The following LRP1B variants were observed in gnomAD, a reference collection of about 807,000 sequenced individuals.
The protein encoded by LRP1B is low-density lipoprotein receptor-related protein 1B.
A neutral mutation model predicts 556.6 loss-of-function variants in LRP1B; 217 were observed. The observed-to-expected ratio is 0.39, with a 90% confidence interval of 0.35 to 0.44. The LOEUF is 0.44. LRP1B is among the 20% of genes least tolerant of loss of function. The pLI is 1.00. For synonymous variants in LRP1B, 2,047 were observed against 1,865.8 expected, an observed-to-expected ratio of 1.10 and a Z score of -2.50; for missense variants, 5,053 against 5,620.8, an observed-to-expected ratio of 0.90 and a Z score of 3.23.
intron 51 of LRP1B, among the ~76,000 whole-genome samples, chr2:140,513,732 C>T (rs1689763193): frequency 6.6e-6 from 1 of 151,878 alleles, no homozygotes; most frequent in Non-Finnish European, 1.5e-5. Flanking sequence ...AATAGCAGTC[C>T]ACAACCCCTG....
rs141201343 is a variant in LRP1B at position 140,700,351 on chromosome 2, T to C, written c.6698A>G (p.Gln2233Arg). The C allele has an allele frequency of 2.5e-5, 40 of 1,613,240 alleles. No individual in the cohort carries two copies. Among genetic ancestry groups the C allele is most frequent in the Non-Finnish European group, 5.9e-6 (7 of 1,179,614 alleles). ...GATTCGGTTGGTACCTTTTCTTCTT[T>C]GATTATAGTCAAAAGCCAAGGCTAT... ...NVIALAFDYN[Q>R]RRKGTNRIFY... is the part of the protein sequence containing the mutation. Residue 2233 changes from glutamine to arginine, a missense_variant, in exon 41 of 91, where the codon CAA (glutamine) becomes CGA (arginine). Coordinates refer to ENST00000389484, the MANE Select transcript of LRP1B (RefSeq NM_018557.3).
chr2:140,563,392 CT>C (rs1681008957), intron 43 of LRP1B, among the ~76,000 whole-genome samples: 1 of 146,450 alleles, frequency 6.8e-6, no homozygotes, highest in African/African-American at 2.5e-5. Flanking sequence ...TATATAAATG[CT>C]TTTTCTTTTA....
chr2:141,031,188 C>T (rs577344704), intron 11 of LRP1B, among the ~76,000 whole-genome samples: 13 of 151,024 alleles, frequency 8.6e-5, no homozygotes, highest in African/African-American at 3.2e-4. Flanking sequence ...GACCATCAGA[C>T]CATGGAGTGT....
At chr2:140,692,612 T>C (rs969329818) in intron 41 of LRP1B, among the ~76,000 whole-genome samples, 1 of 152,136 alleles carries the variant, frequency 6.6e-6, no homozygotes, top group South Asian at 2.1e-4. Flanking sequence ...TTAGTATGAT[T>C]ATATTTCCTT....
chr2:141,544,343 CT>C (rs1358498702), intron 2 of LRP1B, among the ~76,000 whole-genome samples: 6 of 83,464 alleles, frequency 7.2e-5, no homozygotes, highest in East Asian at 4.7e-4. Flanking sequence ...TCTTCTTCTT[CT>C]TCTTCTTCTT....
chr2:141,387,294 C>T (rs1047123862), intron 3 of LRP1B, among the ~76,000 whole-genome samples: 43 of 151,564 alleles, frequency 2.8e-4, no homozygotes, highest in African/African-American at 9.4e-4. Context: ...CACACTAAAC[C>T]CAAAGCTAGC....
intron 66 of LRP1B, among the ~76,000 whole-genome samples, chr2:140,426,375 ACT>A (rs1200523260): frequency 2.0e-5 from 3 of 152,014 alleles, no homozygotes; most frequent in Non-Finnish European, 2.9e-5. Context: ...CTTTTTTCTG[ACT>A]CAATGAAATA....
chr2:140,697,272 C>A (rs1388446040), intron 41 of LRP1B, among the ~76,000 whole-genome samples: 1 of 152,082 alleles, frequency 6.6e-6, no homozygotes, highest in Non-Finnish European at 1.5e-5. Context: ...GAAACAGGAT[C>A]TAAAATATGA....
At chr2:140,653,603 A>C (rs2105325443) in intron 41 of LRP1B, among the ~76,000 whole-genome samples, 1 of 152,254 alleles carries the variant, frequency 6.6e-6, no homozygotes, top group African/African-American at 2.4e-5. Context: ...TAAGAAAACA[A>C]GTTTTTTCAT....
rs914060711 is a variant in LRP1B at position 142,047,316 on chromosome 2, A to G, written c.82+83332T>C. Among the ~76,000 whole-genome samples the G allele has an allele frequency of 2.6e-5, 4 of 152,122 alleles. No individual in the cohort carries two copies. In the East Asian group the frequency reaches 7.8e-4, roughly 30 times the overall value. On this transcript the variant is annotated intron_variant, in intron 1 of 90. Transcript: ENST00000389484. ...ACTGTCTTTGCTTGTTCCCATGTGT[A>G]GTCACATAATATGAAATCAAAATTC...
chr2:140,449,935 G>C (rs1276340821), intron 63 of LRP1B, among the ~76,000 whole-genome samples: 1 of 152,124 alleles, frequency 6.6e-6, no homozygotes, highest in African/African-American at 2.4e-5. Flanking sequence ...GGCTATCAAG[G>C]AAAAGTCTGC....
intron 1 of LRP1B, among the ~76,000 whole-genome samples, chr2:141,818,814 G>T (rs1215862181): frequency 2.0e-5 from 3 of 151,532 alleles, no homozygotes; most frequent in African/African-American, 7.3e-5. Context: ...GGGACTACAG[G>T]CGTGAGCTAC....
At chr2:141,624,632 C>A (rs1422617043) in intron 2 of LRP1B, among the ~76,000 whole-genome samples, 1 of 152,032 alleles carries the variant, frequency 6.6e-6, no homozygotes, top group African/African-American at 2.4e-5. Flanking sequence ...AATATGCCAA[C>A]AGATTAGCAG....
At chr2:141,108,508 C>T (rs533536625) in intron 7 of LRP1B, among the ~76,000 whole-genome samples, 2 of 151,686 alleles carry the variant, frequency 1.3e-5, no homozygotes, top group African/African-American at 4.8e-5. Flanking sequence ...GCCACCATGC[C>T]CAGCTAATTT....
At chr2:140,736,201 G>T (rs1008387231) in intron 35 of LRP1B, among the ~76,000 whole-genome samples, 1 of 152,072 alleles carries the variant, frequency 6.6e-6, no homozygotes, top group Admixed American at 6.6e-5. Context: ...AAAACCCACC[G>T]AAGTATTATG....
chr2:142,004,707 G>T (rs144707860), intron 1 of LRP1B, among the ~76,000 whole-genome samples: 1 of 151,558 alleles, frequency 6.6e-6, no homozygotes, highest in East Asian at 1.9e-4. Context: ...TTAGCTGGGC[G>T]TGGTAGAAGG....
intron 3 of LRP1B, among the ~76,000 whole-genome samples, chr2:141,441,918 A>G (rs1680993378): frequency 6.6e-6 from 1 of 152,230 alleles, no homozygotes; most frequent in Admixed American, 6.5e-5. Context: ...TTTCTATGAC[A>G]TTCAATCTAT....
At chr2:141,521,055 G>C (rs1421538994) in intron 2 of LRP1B, among the ~76,000 whole-genome samples, 1 of 151,928 alleles carries the variant, frequency 6.6e-6, no homozygotes, top group Admixed American at 6.6e-5. Flanking sequence ...GCTTGCTCTA[G>C]GCATACAATC....
At chr2:140,737,023 T>A (rs1573642712) in intron 35 of LRP1B, among the ~76,000 whole-genome samples, 1 of 151,848 alleles carries the variant, frequency 6.6e-6, no homozygotes. Flanking sequence ...CAAACAAGAG[T>A]GCTGTTTAAC....
Sources: allele counts gnomAD v4.1 joint callset (sites outside exome capture counted in the v4.1 genomes callset), GRCh38; gene constraint gnomAD v4.1.1; transcripts MANE v1.5; gene names NCBI Gene and HGNC (gene_info 2026-07-23, HGNC 2026-07-21).